Variants in NLRP14 observed in about 807,000 individuals in gnomAD.
The protein encoded by NLRP14 is NLR family pyrin domain containing 14.
NLRP14 carries 105 observed loss-of-function variants against 94.7 expected under a neutral mutation model. That is an observed-to-expected ratio of 1.11 (90% CI 0.95 to 1.30). The LOEUF is 1.30. Ranked by LOEUF, NLRP14 falls within the 50% of genes most tolerant of loss-of-function variation. The probability of loss-of-function intolerance (pLI) is 0.00; values close to 1 mark genes in which losing one functional copy is unlikely to be tolerated. For synonymous variants in NLRP14, 508 were observed against 459.9 expected (o/e 1.10, Z -1.34); for missense variants, 1,362 against 1,254.1 (o/e 1.09, Z -1.30).
chr11:7,024,464 G>A (rs2119544437), intron 1 of NLRP14, among the ~76,000 whole-genome samples: 1 of 152,294 alleles, frequency 6.6e-6, no homozygotes, highest in East Asian at 1.9e-4. Context: ...CTACATGACA[G>A]GAGTAGTATA....
the NLRP14 span, chr11:7,090,366 T>C: frequency 6.7e-7 from 1 of 1,501,446 alleles, no homozygotes; most frequent in Non-Finnish European, 9.1e-7. Flanking sequence ...ACCTGTTGTA[T>C]GGTAACTACC....
At chr11:7,089,623 G>A in the NLRP14 span, 2 of 1,243,426 alleles carry the variant, frequency 1.6e-6, no homozygotes, top group African/African-American at 1.6e-5. Flanking sequence ...GCGCCGTCGG[G>A]CCCGGCTCGC....
intron 1 of NLRP14, among the ~76,000 whole-genome samples, chr11:7,023,373 T>C (rs887415247): frequency 6.8e-6 from 1 of 146,616 alleles, no homozygotes; most frequent in Non-Finnish European, 1.5e-5. Flanking sequence ...TAAATATATA[T>C]ATCATGTTTA....
the NLRP14 span, chr11:7,089,185 A>C: frequency 6.2e-7 from 1 of 1,613,960 alleles, no homozygotes; most frequent in African/African-American, 1.3e-5. Context: ...ACCGACGAGA[A>C]AGCCCTCGAA....
At chr11:7,078,462 A>ACAAAAAAAAAAAAAG in the NLRP14 span, among the ~76,000 whole-genome samples, 1 of 88,486 alleles carries the variant, frequency 1.1e-5, no homozygotes, top group Non-Finnish European at 2.0e-5. Context: ...AAAAAAAAAA[A>ACAAAAAAAAAAAAAG]CAAAAAAATT....
At chr11:7,085,865 A>G in the NLRP14 span, among the ~76,000 whole-genome samples, 419 of 152,274 alleles carry the variant, frequency 2.8e-3, 14 homozygotes, top group East Asian at 0.073. Context: ...AATATTTTTG[A>G]TCCTCTGGTG....
At chr11:7,022,618 A>T (rs545671605) in intron 1 of NLRP14, among the ~76,000 whole-genome samples, 1 of 152,328 alleles carries the variant, frequency 6.6e-6, no homozygotes, top group African/African-American at 2.4e-5. Flanking sequence ...CTTAAGATGA[A>T]CAGGGAAAGA....
rs1851905628 is a variant in NLRP14 at position 7,020,583 on chromosome 11, G to A, written c.-209G>A. On this transcript the variant is annotated 5_prime_UTR_variant, in exon 1 of 12. Coordinates refer to ENST00000299481, the MANE Select transcript of NLRP14 (RefSeq NM_176822.4). ...CGAAGCTTTTAGGGCCCTGGGAAAG[G>A]GGGCGTGGCTGGAAACGGAGCTACT... The A allele has an allele frequency of 6.6e-6, 1 of 152,318 alleles. No homozygotes were observed. The highest frequency in any genetic ancestry group is 6.5e-5 in the Admixed American group (1 of 15,290). 9.4% of individuals were successfully genotyped at this position (152,318 alleles called of 1,614,324 possible).
At chr11:7,082,821 G>T in the NLRP14 span, among the ~76,000 whole-genome samples, 1 of 152,156 alleles carries the variant, frequency 6.6e-6, no homozygotes, top group African/African-American at 2.4e-5. Flanking sequence ...GCGTTACATA[G>T]TTATAGAAAT....
intron 1 of NLRP14, among the ~76,000 whole-genome samples, chr11:7,025,156 C>G (rs1360940704): frequency 6.6e-6 from 1 of 152,038 alleles, no homozygotes; most frequent in Non-Finnish European, 1.5e-5. Flanking sequence ...GGTATAATTT[C>G]TATACTGTGA....
intron 9 of NLRP14, among the ~76,000 whole-genome samples, chr11:7,061,595 G>A (rs1388539): frequency 0.15 from 23,008 of 151,982 alleles, 2,144 homozygotes; most frequent in Non-Finnish European, 0.21. Flanking sequence ...GCTGATAACA[G>A]GGAAATAAAT....
At chr11:7,059,767 G>C in intron 8 of NLRP14, 127 bp from the exon 9 acceptor site, 1 of 789,606 alleles carries the variant, frequency 1.3e-6, no homozygotes. Context: ...TGGCAGTGAG[G>C]GTGTTTCATC....
chr11:7,037,833 G>T (rs1285155507), intron 1 of NLRP14, among the ~76,000 whole-genome samples: 2 of 152,174 alleles, frequency 1.3e-5, no homozygotes, highest in South Asian at 2.1e-4. Context: ...AGAGTAAACT[G>T]CCAGAGAGCA....
chr11:7,076,551 TTCCTCC>T, the NLRP14 span, among the ~76,000 whole-genome samples: 1 of 152,166 alleles, frequency 6.6e-6, no homozygotes, highest in Non-Finnish European at 1.5e-5. Context: ...TCAGCTCCTC[TTCCTCC>T]TCCTTACAGA....
At chr11:7,038,504 C>A in intron 1 of NLRP14, 62 bp from the exon 2 acceptor site, 1 of 1,325,112 alleles carries the variant, frequency 7.5e-7, no homozygotes, top group Non-Finnish European at 1.1e-6. Flanking sequence ...ATTTTCAAAT[C>A]TGTCTTTTTC....
chr11:7,035,197 T>C (rs1852144580), intron 1 of NLRP14, among the ~76,000 whole-genome samples: 2 of 152,148 alleles, frequency 1.3e-5, no homozygotes, highest in African/African-American at 2.4e-5. Flanking sequence ...GGCAGGCACC[T>C]GAAGTCCAAG....
At chr11:7,037,791 T>C (rs1405838511) in intron 1 of NLRP14, among the ~76,000 whole-genome samples, 2 of 152,038 alleles carry the variant, frequency 1.3e-5, no homozygotes, top group African/African-American at 4.8e-5. Context: ...AAAGTTTGAG[T>C]AGTCATTGAC....
At position 7,037,673 on chromosome 11, in the gene NLRP14, C is replaced by T. The variant is rs190474644; in HGVS notation, c.-21-893C>T. On this transcript the variant is annotated intron_variant, in intron 1 of 11. Transcript: ENST00000299481. ...GCTGATGAGGGGTAAACGCAGGGCT[C>T]AAAAGGATTTGATGATGTTTGAAGA... Among the ~76,000 whole-genome samples the T allele has an allele frequency of 9.2e-5, 14 of 152,184 alleles. No homozygotes were observed. The East Asian group carries it at 2.5e-3, about 27-fold the overall frequency.
intron 5 of NLRP14, among the ~76,000 whole-genome samples, chr11:7,049,195 A>G (rs1456536037): frequency 6.6e-6 from 1 of 152,130 alleles, no homozygotes; most frequent in Non-Finnish European, 1.5e-5. Flanking sequence ...TAACTTCATA[A>G]TATTTTGCTT....
Sources: gnomAD v4.1 joint callset for allele counts (sites outside exome capture counted in the v4.1 genomes callset) on GRCh38, gnomAD v4.1.1 for gene constraint, MANE v1.5 for transcripts, NCBI Gene and HGNC (gene_info 2026-07-23, HGNC 2026-07-21) for gene names.